Variants in CELF4 observed in about 807,000 individuals in gnomAD.
CELF4 encodes the protein CUG-BP- and ETR-3-like factor 4.
CELF4 carries 18 observed loss-of-function variants against 59.9 expected under a neutral mutation model. The observed-to-expected ratio is 0.30, with a 90% CI of 0.21 to 0.45. CELF4 has a LOEUF of 0.45. Ranked by LOEUF, CELF4 falls within the 20% of genes least tolerant of loss-of-function variation. The pLI is 1.00. For synonymous variants in CELF4, 261 were observed against 267.1 expected (o/e 0.98, Z 0.22); for missense variants, 456 against 689.0 (o/e 0.66, Z 3.79).
At chr18:37,366,899 T>C (rs1377800226) in intron 2 of CELF4, among the ~76,000 whole-genome samples, 1 of 152,148 alleles carries the variant, frequency 6.6e-6, no homozygotes, top group Non-Finnish European at 1.5e-5. Flanking sequence ...CATCTACCCG[T>C]GCCCCATGGA....
intron 2 of CELF4, among the ~76,000 whole-genome samples, chr18:37,334,935 C>T (rs772916706): frequency 1.7e-4 from 26 of 152,030 alleles, no homozygotes; most frequent in Non-Finnish European, 2.9e-4. Flanking sequence ...GAAATGGCAC[C>T]GACATTTGCT....
rs377703730 is a variant in CELF4 at position 37,419,416 on chromosome 18, G to C, written c.369+66109C>G. The stretch of plus-strand genomic sequence containing the variant: ...AAAAGACGCAGGAGAGATGGGGCCA[G>C]AGTTGAGGTATGCGACTGCAGGGAA... On this transcript the variant is annotated intron_variant, in intron 2 of 12. Coordinates refer to ENST00000420428, the MANE Select transcript of CELF4 (RefSeq NM_020180.4). Among the ~76,000 whole-genome samples the C allele has an allele frequency of 3.3e-4, 50 of 152,310 alleles. No homozygotes were observed. The East Asian group carries it at 6.8e-3, about 21-fold the overall frequency.
intron 2 of CELF4, among the ~76,000 whole-genome samples, chr18:37,352,035 T>G (rs1353267904): frequency 1.3e-5 from 2 of 152,194 alleles, no homozygotes; most frequent in Non-Finnish European, 2.9e-5. Flanking sequence ...TACATGGGTC[T>G]CTAAATGTTT....
chr18:37,298,874 A>T (rs2095836387), intron 3 of CELF4, among the ~76,000 whole-genome samples: 1 of 152,176 alleles, frequency 6.6e-6, no homozygotes, highest in South Asian at 2.1e-4. Flanking sequence ...AACATGCTGT[A>T]GTCATGGCTT....
chr18:37,267,393 G>A (rs1464031168), intron 8 of CELF4, among the ~76,000 whole-genome samples: 1 of 152,222 alleles, frequency 6.6e-6, no homozygotes, highest in East Asian at 1.9e-4. Flanking sequence ...TGTCTTTGCT[G>A]TCTCTGCTGA....
intron 2 of CELF4, among the ~76,000 whole-genome samples, chr18:37,436,781 C>T (rs992320705): frequency 1.3e-5 from 2 of 152,180 alleles, no homozygotes; most frequent in Admixed American, 1.3e-4. Flanking sequence ...CGGGGCACTT[C>T]TGTACCTCTG....
At chr18:37,281,011 T>A (rs963739994) in intron 3 of CELF4, among the ~76,000 whole-genome samples, 1 of 152,200 alleles carries the variant, frequency 6.6e-6, no homozygotes, top group African/African-American at 2.4e-5. Context: ...GGTCCCTCCA[T>A]GAGGGAGACA....
chr18:37,367,793 C>G (rs1476718969), intron 2 of CELF4, among the ~76,000 whole-genome samples: 1 of 151,886 alleles, frequency 6.6e-6, no homozygotes, highest in African/African-American at 2.4e-5. Context: ...CTGATATTTA[C>G]TGTCAGCTCC....
At chr18:37,473,078 A>C (rs1038063132) in intron 2 of CELF4, among the ~76,000 whole-genome samples, 1 of 152,122 alleles carries the variant, frequency 6.6e-6, no homozygotes, top group Admixed American at 6.6e-5. Flanking sequence ...GGCAGAGGCT[A>C]TGAGGGAGGG....
At chr18:37,491,843 G>A (rs893590223) in intron 1 of CELF4, among the ~76,000 whole-genome samples, 2 of 152,210 alleles carry the variant, frequency 1.3e-5, no homozygotes, top group South Asian at 2.1e-4. Flanking sequence ...TCTCCCATGT[G>A]GGGGGAAAAC....
At chr18:37,291,916 T>C (rs2095359180) in intron 3 of CELF4, among the ~76,000 whole-genome samples, 1 of 152,026 alleles carries the variant, frequency 6.6e-6, no homozygotes, top group African/African-American at 2.4e-5. Context: ...GTGTGTGCCC[T>C]CCCAAAATTC....
At chr18:37,431,661 A>G (rs2099667404) in intron 2 of CELF4, among the ~76,000 whole-genome samples, 2 of 152,200 alleles carry the variant, frequency 1.3e-5, no homozygotes. Context: ...GAGCCACTGC[A>G]CCTGGCCCTT....
chr18:37,547,239 C>T (rs1451355768), intron 1 of CELF4, among the ~76,000 whole-genome samples: 1 of 151,368 alleles, frequency 6.6e-6, no homozygotes, highest in African/African-American at 2.4e-5. Context: ...CAAATGTGTT[C>T]CCATGAGCCA....
chr18:37,362,655 C>T (rs1231395980), intron 2 of CELF4, among the ~76,000 whole-genome samples: 1 of 131,788 alleles, frequency 7.6e-6, no homozygotes, highest in Non-Finnish European at 1.6e-5. Context: ...TCGAACAGGC[C>T]ACTGGGGCAC....
chr18:37,479,992 G>A (rs555147541), intron 2 of CELF4, among the ~76,000 whole-genome samples: 14 of 152,328 alleles, frequency 9.2e-5, no homozygotes, highest in Admixed American at 3.3e-4. Context: ...TCCCAGAAGC[G>A]AGGAGAGAGG....
Position 37,321,740 on chromosome 18 carries a change from G to T in CELF4, c.448+63C>A, listed in dbSNP as rs115865988. The T allele has an allele frequency of 2.1e-3, 2,603 of 1,223,048 alleles. 34 individuals carry two copies. The African/African-American group carries it at 0.034, about 16-fold the overall frequency. The allele number at this position is 1,223,048 out of a possible 1,614,324, so 75.8% of individuals were successfully genotyped here. On this transcript the variant is annotated intron_variant, in intron 3 of 12. Transcript: ENST00000420428. ...GGGAGTCGCTGCATCGCCTTGCTGC[G>T]TCGGGAAAAGGAGGGAGGAGTGAGA...
chr18:37,482,576 G>C (rs542872322), intron 2 of CELF4, among the ~76,000 whole-genome samples: 1 of 152,180 alleles, frequency 6.6e-6, no homozygotes, highest in Admixed American at 6.5e-5. Context: ...TGGGAATCAC[G>C]TATCACTGAT....
chr18:37,250,894 A>G (rs1025778684), intron 12 of CELF4, among the ~76,000 whole-genome samples: 12 of 152,198 alleles, frequency 7.9e-5, no homozygotes, highest in African/African-American at 2.9e-4. Flanking sequence ...TATGTGACAT[A>G]GTAGTTTTTT....
intron 2 of CELF4, among the ~76,000 whole-genome samples, chr18:37,423,935 C>T (rs1194874069): frequency 8.5e-5 from 13 of 152,166 alleles, no homozygotes; most frequent in Non-Finnish European, 5.9e-5. Context: ...TCTTCCTCAT[C>T]TCTGAGTTTC....
Sources: allele counts gnomAD v4.1 joint callset (sites outside exome capture counted in the v4.1 genomes callset), GRCh38; gene constraint gnomAD v4.1.1; transcripts MANE v1.5; gene names NCBI Gene and HGNC (gene_info 2026-07-23, HGNC 2026-07-21).